Variants in N4BP2 observed in about 807,000 individuals in gnomAD.
N4BP2 encodes NEDD4-binding protein 2.
In N4BP2, 91 loss-of-function variants were observed where a neutral mutation model predicts 152.8. The ratio of observed to expected loss-of-function variants is 0.60; its 90% CI spans 0.50 to 0.71. N4BP2 has a LOEUF of 0.71. Ranked by LOEUF, N4BP2 falls within the 30% of genes least tolerant of loss-of-function variation. The pLI, the probability that N4BP2 is intolerant of heterozygous loss-of-function variation, is 0.00. For missense variants in N4BP2, 1,923 were observed against 2,059.1 expected, an observed-to-expected ratio of 0.93 and a Z score of 1.28; for synonymous variants, 646 against 705.3, an observed-to-expected ratio of 0.92 and a Z score of 1.33.
At position 40,142,726 on chromosome 4, in the gene N4BP2, C is replaced by CT; in HGVS notation, c.4842dup (p.Glu1615Ter). Reference sequence around the variant, plus strand: ...CACCAAGTGAACTGTCTTTCCAGGACTTTGAGTACCCAGACTATGATGACT... The same window carrying CT: ...CACCAAGTGAACTGTCTTTCCAGGACTTTTGAGTACCCAGACTATGATGACT... On this transcript the variant is annotated frameshift_variant, in exon 15 of 18. Transcript: ENST00000261435. LOFTEE classifies it high-confidence loss of function. 1 of 1,613,830 alleles carries CT rather than the reference C, an allele frequency of 6.2e-7. No individual in the cohort carries two copies. The highest frequency in any genetic ancestry group is 1.3e-5 in the African/African-American group (1 of 74,978).
chr4:40,103,706 T>TC (rs1715933581), intron 4 of N4BP2, among the ~76,000 whole-genome samples: 1 of 152,186 alleles, frequency 6.6e-6, no homozygotes, highest in Non-Finnish European at 1.5e-5. Flanking sequence ...TCAGAGAACT[T>TC]CAAGTTTTCA....
At chr4:40,183,222 ACTATTTT>A in the N4BP2 span, among the ~76,000 whole-genome samples, 1 of 152,070 alleles carries the variant, frequency 6.6e-6, no homozygotes, top group Non-Finnish European at 1.5e-5. Context: ...CTTCCCAAAT[ACTATTTT>A]CAAATGACCG....
intron 1 of N4BP2, among the ~76,000 whole-genome samples, chr4:40,062,818 A>G (rs574491553): frequency 6.6e-6 from 1 of 152,256 alleles, no homozygotes; most frequent in African/African-American, 2.4e-5. Context: ...GTCTCAGCCT[A>G]GGTGGTAGCT....
At chr4:40,109,595 A>G (rs193098243) in intron 5 of N4BP2, among the ~76,000 whole-genome samples, 1 of 152,050 alleles carries the variant, frequency 6.6e-6, no homozygotes, top group Non-Finnish European at 1.5e-5. Context: ...GTGCACACCT[A>G]TAGTCCCAGC....
chr4:40,177,820 C>T, the N4BP2 span, among the ~76,000 whole-genome samples: 422 of 152,236 alleles, frequency 2.8e-3, 12 homozygotes, highest in East Asian at 0.063. Flanking sequence ...AGTCATCTCA[C>T]ATGCAGGGCT....
At chr4:40,109,129 A>G (rs1716619646) in intron 5 of N4BP2, among the ~76,000 whole-genome samples, 2 of 152,106 alleles carry the variant, frequency 1.3e-5, no homozygotes, top group Non-Finnish European at 2.9e-5. Context: ...GTCTTTTATG[A>G]TAAGTGTACT....
At chr4:40,127,148 C>G (rs1275543979) in intron 12 of N4BP2, among the ~76,000 whole-genome samples, 1 of 152,004 alleles carries the variant, frequency 6.6e-6, no homozygotes, top group Non-Finnish European at 1.5e-5. Flanking sequence ...CTTGCCCTCC[C>G]AAAATGCTGG....
rs1339529913 is a variant in N4BP2 at position 40,103,132 on chromosome 4, G to C, written c.1287G>C (p.Gln429His). 6.2e-7 allele frequency: 1 copy of C among 1,613,978 alleles called. No homozygotes were observed. Among genetic ancestry groups the C allele is most frequent in the East Asian group, 2.2e-5 (1 of 44,904 alleles). The stretch of plus-strand genomic sequence containing the variant: ...AAGTACAAGAAACCCCAGTTTCTCA[G>C]GTTGTAAGAAAGAAGACATCTTACG... ...AYQVQETPVS[Q>H]VVRKKTSYVG... The change falls in exon 4 of 18, where the codon CAG becomes CAC. Residue 429 changes from glutamine to histidine, a missense_variant. By Grantham distance (24) the Gln-to-His change is conservative. Transcript: ENST00000261435.
In N4BP2 at chr4:40,157,493, GT is replaced by G. The variant is rs1200553612; in HGVS notation, c.*3258del. ...GTAGACATGTATAATATTGAGATCGGTTATTTCTGAGCTGGAAATTGGAAAC... is the reference window on the plus strand; with the variant it reads ...GTAGACATGTATAATATTGAGATCGGTATTTCTGAGCTGGAAATTGGAAAC... On this transcript the variant is annotated 3_prime_UTR_variant, in exon 18 of 18. Transcript: ENST00000261435. The G allele has an allele frequency of 6.6e-6, 1 of 152,078 alleles. No individual in the cohort carries two copies. Among genetic ancestry groups the G allele is most frequent in the East Asian group, 1.9e-4 (1 of 5,200 alleles). The allele number at this position is 152,078 out of a possible 1,614,324, so 9.4% of individuals were successfully genotyped here. A position where few individuals can be genotyped will look rare whatever the true frequency, so the allele number is the denominator to read the frequency against.
At chr4:40,107,402 C>T (rs1197682667) in intron 5 of N4BP2, among the ~76,000 whole-genome samples, 45 of 146,672 alleles carry the variant, frequency 3.1e-4, no homozygotes, top group Non-Finnish European at 1.8e-4. Context: ...TTTTTTTTTT[C>T]GAGATGGAGT....
chr4:40,069,375 C>T (rs1009589877), intron 1 of N4BP2, among the ~76,000 whole-genome samples: 2 of 152,044 alleles, frequency 1.3e-5, no homozygotes, highest in Non-Finnish European at 2.9e-5. Context: ...GAGGTGGAGC[C>T]AAGATTGCAC....
chr4:40,170,066 A>C, the N4BP2 span, among the ~76,000 whole-genome samples: 2 of 152,064 alleles, frequency 1.3e-5, no homozygotes, highest in Non-Finnish European at 1.5e-5. Flanking sequence ...AAAATCTCTG[A>C]AAAAAGAGAA....
At chr4:40,079,330 T>C (rs986317450) in intron 2 of N4BP2, among the ~76,000 whole-genome samples, 2 of 152,100 alleles carry the variant, frequency 1.3e-5, no homozygotes, top group Admixed American at 6.6e-5. Flanking sequence ...TTGCCCAGGA[T>C]GGTCTTGAAT....
chr4:40,098,002 A>G (rs532163957), intron 3 of N4BP2, among the ~76,000 whole-genome samples: 3 of 152,282 alleles, frequency 2.0e-5, no homozygotes, highest in East Asian at 1.9e-4. Flanking sequence ...ATGTATTGTC[A>G]TTTGTCCCCT....
rs367982161 is a variant in N4BP2 at position 40,113,523 on chromosome 4, C to T, written c.1664+15C>T. ...GAACTTGCAAGGTAAAACTTGGAGG[C>T]TACCTAACATGCTTTTTATGTAACG... On this transcript the variant is annotated intron_variant, in intron 7 of 17. Coordinates refer to ENST00000261435, the MANE Select transcript of N4BP2 (RefSeq NM_018177.6). The T allele has an allele frequency of 2.5e-6, 4 of 1,582,692 alleles. No individual in the cohort carries two copies. The highest frequency in any genetic ancestry group is 1.7e-6 in the Non-Finnish European group (2 of 1,152,360).
chr4:40,063,984 G>T (rs142619918), intron 1 of N4BP2, among the ~76,000 whole-genome samples: 15 of 151,192 alleles, frequency 9.9e-5, no homozygotes, highest in East Asian at 7.7e-4. Flanking sequence ...GGGGCGGCAG[G>T]GGGGGGTCTC....
intron 1 of N4BP2, among the ~76,000 whole-genome samples, chr4:40,067,054 C>CTTTTT (rs34768159): frequency 1.1e-5 from 1 of 91,616 alleles, no homozygotes; most frequent in African/African-American, 4.2e-5. Flanking sequence ...ACCTAATTTC[C>CTTTTT]TTTTTTTTTT....
intron 3 of N4BP2, 125 bp downstream of exon 3, chr4:40,097,694 C>A: frequency 1.5e-6 from 1 of 645,862 alleles, no homozygotes; most frequent in Non-Finnish European, 2.6e-6. Flanking sequence ...TAATCATCTG[C>A]TGTTGGCAAG....
At chr4:40,177,541 C>G in the N4BP2 span, among the ~76,000 whole-genome samples, 1 of 151,748 alleles carries the variant, frequency 6.6e-6, no homozygotes, top group South Asian at 2.1e-4. Context: ...GCTTAAACCC[C>G]GGAGGCAGAG....
Sources: gnomAD v4.1 joint callset for allele counts (sites outside exome capture counted in the v4.1 genomes callset) on GRCh38, gnomAD v4.1.1 for gene constraint, MANE v1.5 for transcripts, NCBI Gene and HGNC (gene_info 2026-07-23, HGNC 2026-07-21) for gene names.